DEGS2: variants seen among roughly 807,000 people sequenced by gnomAD.
DEGS2 encodes the protein delta 4-desaturase, sphingolipid 2.
A neutral mutation model predicts 23.8 loss-of-function variants in DEGS2; 19 were observed. The observed-to-expected ratio is 0.80, with a 90% CI of 0.56 to 1.17. The LOEUF (loss-of-function observed/expected upper bound fraction) is 1.17. DEGS2 is among the 50% of genes most tolerant of loss of function. The pLI is 0.00. For missense variants in DEGS2, 390 were observed against 459.5 expected, an observed-to-expected ratio of 0.85 and a Z score of 1.38; for synonymous variants, 218 against 213.7, an observed-to-expected ratio of 1.02 and a Z score of -0.18.
In DEGS2 at chr14:100,149,076, G is replaced by T. The variant is rs1194068714; in HGVS notation, c.717C>A (p.Gly239=). Residue 239 remains glycine, a synonymous_variant, in exon 2 of 3, where the codon GGC becomes GGA. Transcript: ENST00000305631. ...FVAEHYMFLK[G]HETYSYYGPL... ...GCCCATAGTAGGAGTAGGTCTCGTG[G>T]CCCTTGAGGAACATGTAGTGCTCGG... is the stretch of plus-strand genomic sequence containing the variant. The T allele has an allele frequency of 1.9e-6, 3 of 1,612,850 alleles. No individual in the cohort carries two copies. In the African/African-American group the frequency reaches 4.0e-5, roughly 22 times the overall value.
At chr14:100,150,972 G>A (rs1381944446) in intron 1 of DEGS2, among the ~76,000 whole-genome samples, 1 of 152,222 alleles carries the variant, frequency 6.6e-6, no homozygotes, top group Admixed American at 6.5e-5. Flanking sequence ...GCACTGGGCT[G>A]GCCCATCCAA....
chr14:100,149,303 C>G lies in DEGS2; in HGVS notation c.490G>C (p.Val164Leu). Residue 164 changes from valine to leucine, a missense_variant, in exon 2 of 3, where the codon GTG becomes CTG. By Grantham distance (32) the Val-to-Leu change is conservative. Transcript: ENST00000305631. Reference protein sequence around the residue: ...CTPARKLLWLVLQPFFYSLRP... With the variant: ...CTPARKLLWLLLQPFFYSLRP... Reference sequence around the variant, plus strand: ...AGTGAGTAGAAGAAGGGCTGCAGCACCAGCCAGAGCAGCTTGCGGGCGGGT... The same window carrying G: ...AGTGAGTAGAAGAAGGGCTGCAGCAGCAGCCAGAGCAGCTTGCGGGCGGGT... 1 of 1,612,506 alleles carries G rather than the reference C, an allele frequency of 6.2e-7. No homozygotes were observed. Among genetic ancestry groups the G allele is most frequent in the Non-Finnish European group, 8.5e-7 (1 of 1,179,730 alleles).
At chr14:100,160,027 C>G (rs1156756645), upstream of DEGS2, 1 of 153,314 alleles carries the variant, frequency 6.5e-6, no homozygotes, top group African/African-American at 2.4e-5. Flanking sequence ...CCCTGTGGCT[C>G]GCGCCGCCCC....
rs368139715 is a variant in DEGS2 at position 100,149,717 on chromosome 14, G to A, written c.83-7C>T. The A allele has an allele frequency of 1.3e-3, 2,122 of 1,588,956 alleles. 4 individuals carry two copies. The highest frequency in any genetic ancestry group is 1.7e-3 in the Non-Finnish European group (2,029 of 1,166,732). Reference sequence around the variant, plus strand: ...TTGATGGCCGGGTACTTGGCTGCAAGGAAGACAGGGAGGTATGAGGCCCCG... The same window carrying A: ...TTGATGGCCGGGTACTTGGCTGCAAAGAAGACAGGGAGGTATGAGGCCCCG... On this transcript the variant is annotated splice_region_variant and splice_polypyrimidine_tract_variant and intron_variant, in intron 1 of 2. Transcript: ENST00000305631.
chr14:100,149,536 A>G lies in DEGS2; in HGVS notation c.257T>C (p.Leu86Pro). 1 of 1,604,736 alleles carries G rather than the reference A, an allele frequency of 6.2e-7. No homozygotes were observed. The highest frequency in any genetic ancestry group is 8.5e-7 in the Non-Finnish European group (1 of 1,177,294). ...GTTGTGCGAGATGTCGTGGATGGCC[A>G]GCGTCAGCGAGTGGTTCACGCAGCC... Reference protein sequence around the residue: ...FGGCVNHSLTLAIHDISHNAA... With the variant: ...FGGCVNHSLTPAIHDISHNAA... Residue 86 changes from leucine (L) to proline (P), a missense_variant, in exon 2 of 3, where the codon CTG becomes CCG. Transcript: ENST00000305631.
In DEGS2 at chr14:100,149,670, C is replaced by T. The variant is rs763871763; in HGVS notation, c.123G>A (p.Pro41=). Residue 41 remains proline, a synonymous_variant, in exon 2 of 3, where the codon CCG becomes CCA. Coordinates refer to ENST00000305631, the MANE Select transcript of DEGS2 (RefSeq NM_206918.3). ...PAIKALMRPD[P]RLKWAVLVLV... ...GCACCAGCACCGCCCACTTGAGGCGCGGGTCTGGCCGCATCAGGGCCTTGA... is the reference window on the plus strand; with the variant it reads ...GCACCAGCACCGCCCACTTGAGGCGTGGGTCTGGCCGCATCAGGGCCTTGA... 9.3e-6 allele frequency: 15 copies of T among 1,610,124 alleles called. No homozygotes were observed. Among genetic ancestry groups the T allele is most frequent in the South Asian group, 5.5e-5 (5 of 90,806 alleles).
chr14:100,148,874 GCTGGGCATGGCCCAAGGCCCTTC>G, intron 2 of DEGS2, 71 bp downstream of exon 2: 1 of 1,398,336 alleles, frequency 7.2e-7, no homozygotes, highest in African/African-American at 1.4e-5. Context: ...GGGAGAGGCT[GCTGGGCATGGCCCAAGGCCCTTC>G]CAGGGCCCCC....
chr14:100,157,278 A>G (rs1215752060), intron 1 of DEGS2, among the ~76,000 whole-genome samples: 2 of 152,232 alleles, frequency 1.3e-5, no homozygotes, highest in East Asian at 1.9e-4. Flanking sequence ...CCCAGCTCCT[A>G]TTCTATGGAT....
At chr14:100,165,940 TCAG>T in the DEGS2 span, among the ~76,000 whole-genome samples, 1 of 64,966 alleles carries the variant, frequency 1.5e-5, no homozygotes, top group Admixed American at 1.7e-4. Context: ...GCCCGGAGAG[TCAG>T]GGGAGCCTGC....
At position 100,146,809 on chromosome 14, in the gene DEGS2, G is replaced by T; in HGVS notation, c.924C>A (p.Pro308=). 6.2e-7 allele frequency: 1 copy of T among 1,613,796 alleles called. No individual in the cohort carries two copies. The highest frequency in any genetic ancestry group is 8.5e-7 in the Non-Finnish European group (1 of 1,179,904). Residue 308 remains proline, a synonymous_variant, in exon 3 of 3, where the codon CCC becomes CCA. Coordinates refer to ENST00000305631, the MANE Select transcript of DEGS2 (RefSeq NM_206918.3). ...WDFVFEDSLG[P]YARVKRVYRL... is the part of the protein sequence containing the mutation. ...TGTACACCCGCTTCACCCTGGCATA[G>T]GGCCCCAGGGAGTCCTCAAACACAA...
chr14:100,150,843 G>A (rs1889558360), intron 1 of DEGS2, among the ~76,000 whole-genome samples: 1 of 152,084 alleles, frequency 6.6e-6, no homozygotes. Flanking sequence ...GGAGAAACCT[G>A]CACACAGAAG....
chr14:100,163,853 G>C (rs1889776735), upstream of DEGS2, among the ~76,000 whole-genome samples: 1 of 152,114 alleles, frequency 6.6e-6, no homozygotes, highest in African/African-American at 2.4e-5. Context: ...CTGAGTAGCT[G>C]GGACTATAGG....
At chr14:100,166,245 G>A in the DEGS2 span, among the ~76,000 whole-genome samples, 5 of 124,282 alleles carry the variant, frequency 4.0e-5, no homozygotes, top group Admixed American at 1.6e-4. Context: ...AGAGTGGGGG[G>A]AGCCTGTCCG....
In DEGS2 at chr14:100,149,029, T is replaced by G; in HGVS notation, c.764A>C (p.Asn255Thr). 6.2e-7 allele frequency: 1 copy of G among 1,612,846 alleles called. No individual in the cohort carries two copies. Among genetic ancestry groups the G allele is most frequent in the East Asian group, 2.2e-5 (1 of 44,880 alleles). The part of the protein sequence containing the change: ...YYGPLNWITF[N>T]VGYHVEHHDF... ...GTGGTGCTCCACGTGGTAGCCCACA[T>G]TGAAGGTGATCCAGTTGAGAGGCCC... is the stretch of plus-strand genomic sequence containing the variant. The change falls in exon 2 of 3, where the codon AAT becomes ACT. Residue 255 changes from asparagine (N) to threonine (T), a missense_variant. Coordinates refer to ENST00000305631, the MANE Select transcript of DEGS2 (RefSeq NM_206918.3).
chr14:100,159,419 C>A (rs974348626), intron 1 of DEGS2, 87 bp downstream of exon 1: 1 of 1,058,290 alleles, frequency 9.4e-7, no homozygotes, highest in Non-Finnish European at 1.3e-6. Context: ...AGAGCTGGAG[C>A]GGCCCGTCTG....
At chr14:100,152,103 C>T (rs1172036938) in intron 1 of DEGS2, among the ~76,000 whole-genome samples, 2 of 152,106 alleles carry the variant, frequency 1.3e-5, no homozygotes, top group Non-Finnish European at 2.9e-5. Flanking sequence ...GCAGGTGTCC[C>T]TCGACTTAGC....
At chr14:100,151,852 C>G (rs1485896197) in intron 1 of DEGS2, among the ~76,000 whole-genome samples, 1 of 152,222 alleles carries the variant, frequency 6.6e-6, no homozygotes, top group African/African-American at 2.4e-5. Context: ...AAACAACCCA[C>G]GCTTTTTGCA....
intron 1 of DEGS2, 29 bp from the exon 2 acceptor site, chr14:100,149,739 C>T: frequency 6.4e-7 from 1 of 1,567,482 alleles, no homozygotes; most frequent in Non-Finnish European, 8.7e-7. Flanking sequence ...GGTATGAGGC[C>T]CCGCTCGGTG....
In DEGS2 at chr14:100,151,063, C is replaced by T. The variant is rs943921783; in HGVS notation, c.83-1353G>A. 4.6e-5 allele frequency among the ~76,000 whole-genome samples: 7 copies of T among 152,010 alleles called. No homozygotes were observed. In the South Asian group the frequency reaches 6.2e-4, roughly 14 times the overall value. ...CATCTGGCAAGAGGCCTAGTGCAGG[C>T]GGGTCCCAACAAGCCTCAGGGGCCC... On this transcript the variant is annotated intron_variant, in intron 1 of 2. Transcript: ENST00000305631.
Sources: allele counts gnomAD v4.1 joint callset (sites outside exome capture counted in the v4.1 genomes callset), GRCh38; gene constraint gnomAD v4.1.1; transcripts MANE v1.5; gene names NCBI Gene and HGNC (gene_info 2026-07-23, HGNC 2026-07-21).